Variants in FAM20B observed in about 807,000 individuals in gnomAD.
FAM20B encodes FAM20B glycosaminoglycan xylosylkinase, also known as glycosaminoglycan xylosylkinase.
In FAM20B, 23 loss-of-function variants were observed where a neutral mutation model predicts 43.8. The ratio of observed to expected loss-of-function variants is 0.53; its 90% CI spans 0.38 to 0.74. FAM20B has a LOEUF of 0.74. Among genes scored for constraint, FAM20B ranks in the 30% least tolerant of loss-of-function variants. The pLI is 0.00. For missense variants in FAM20B, 440 were observed against 510.5 expected (o/e 0.86, Z 1.33); for synonymous variants, 178 against 192.4 (o/e 0.93, Z 0.62).
chr1:179,049,492 C>T (rs1650911547), intron 2 of FAM20B, among the ~76,000 whole-genome samples: 1 of 152,162 alleles, frequency 6.6e-6, no homozygotes, highest in Admixed American at 6.5e-5. Flanking sequence ...CTATTTTCCC[C>T]CAAATTTAAA....
intron 1 of FAM20B, among the ~76,000 whole-genome samples, chr1:179,039,742 A>AT (rs1217321410): frequency 1.6e-4 from 11 of 70,466 alleles, no homozygotes; most frequent in Admixed American, 8.4e-4. Context: ...TTTATTTATT[A>AT]TTTTTTTTTA....
chr1:179,051,208 A>G (rs1304512472), intron 3 of FAM20B, among the ~76,000 whole-genome samples: 1 of 151,800 alleles, frequency 6.6e-6, no homozygotes, highest in Non-Finnish European at 1.5e-5. Flanking sequence ...CTTTTTCAGC[A>G]GGTTACTAGT....
rs1445748340 is a variant in FAM20B at position 179,065,999 on chromosome 1, C to T, written c.939-801C>T. ...AGGGCACTAATCCCGTTCATGTGGG[C>T]TCTTCCCTCGTAACTTAATCATCTC... On this transcript the variant is annotated intron_variant, in intron 6 of 7. Coordinates refer to ENST00000263733, the MANE Select transcript of FAM20B (RefSeq NM_014864.4). Among the ~76,000 whole-genome samples, 3 of 152,158 alleles carry T rather than the reference C, an allele frequency of 2.0e-5. No individual in the cohort carries two copies. The East Asian group carries it at 5.8e-4, about 29-fold the overall frequency.
intron 1 of FAM20B, chr1:179,035,511 G>A: frequency 1.5e-6 from 1 of 680,004 alleles, no homozygotes; most frequent in South Asian, 1.4e-5. Flanking sequence ...CCTGACTGCT[G>A]TGGCCTCCAC....
chr1:179,072,431 C>G lies in FAM20B; in HGVS notation c.*287C>G. 2.6e-6 allele frequency: 1 copy of G among 390,586 alleles called. No homozygotes were observed. Among genetic ancestry groups the G allele is most frequent in the Non-Finnish European group, 4.7e-6 (1 of 212,340 alleles). The allele number at this position is 390,586 out of a possible 1,614,324, so 24.2% of individuals were successfully genotyped here. ...CAGTCTTAATTCCCATGCCAAAGGA[C>G]AAACAGGTGTGACATTTGGATAGAT... On this transcript the variant is annotated 3_prime_UTR_variant, in exon 8 of 8. Coordinates refer to ENST00000263733, the MANE Select transcript of FAM20B (RefSeq NM_014864.4).
intron 1 of FAM20B, among the ~76,000 whole-genome samples, chr1:179,040,734 G>C (rs924063409): frequency 6.7e-6 from 1 of 149,474 alleles, no homozygotes; most frequent in Non-Finnish European, 1.5e-5. Flanking sequence ...CTCCCGGACG[G>C]GGCGGCTGGC....
chr1:179,040,437 C>T (rs1650442388), intron 1 of FAM20B, among the ~76,000 whole-genome samples: 3 of 149,638 alleles, frequency 2.0e-5, no homozygotes, highest in Admixed American at 6.6e-5. Flanking sequence ...TAGGGGCGGC[C>T]GGGCAGAGGC....
At chr1:179,053,308 C>T (rs898564078) in intron 3 of FAM20B, among the ~76,000 whole-genome samples, 4 of 152,066 alleles carry the variant, frequency 2.6e-5, no homozygotes, top group Non-Finnish European at 5.9e-5. Context: ...ATCTAGGCTG[C>T]GTTTGTAGTC....
chr1:179,022,086 C>T (rs974921451), upstream of FAM20B, among the ~76,000 whole-genome samples: 2 of 152,224 alleles, frequency 1.3e-5, no homozygotes, highest in Non-Finnish European at 2.9e-5. Flanking sequence ...GTGGGCAGTC[C>T]GTTGCTATAA....
Position 179,037,357 on chromosome 1 carries a change from TC to T in FAM20B, c.-133-6357del, listed in dbSNP as rs1393086487. ...CACAAACATGAAAACTTGTTTAGTC[TC>T]TTTTTTTTTAACCTGCCCTCACTTA... On this transcript the variant is annotated intron_variant, in intron 1 of 7. Transcript: ENST00000263733. Among the ~76,000 whole-genome samples, 5 of 69,228 alleles carry T rather than the reference TC, an allele frequency of 7.2e-5. No homozygotes were observed. The South Asian group carries it at 1.4e-3, about 19-fold the overall frequency. 45.4% of individuals were successfully genotyped at this position (69,228 alleles called of 152,430 possible). A position where few individuals can be genotyped will look rare whatever the true frequency, so the allele number is the denominator to read the frequency against.
chr1:179,057,575 G>A (rs1487294593), intron 4 of FAM20B, among the ~76,000 whole-genome samples: 2 of 152,166 alleles, frequency 1.3e-5, no homozygotes, highest in Non-Finnish European at 2.9e-5. Flanking sequence ...AAGAGTGGAG[G>A]CTTAGAAGTG....
At chr1:179,032,251 C>T (rs1650043532) in intron 1 of FAM20B, among the ~76,000 whole-genome samples, 1 of 150,486 alleles carries the variant, frequency 6.6e-6, no homozygotes, top group African/African-American at 2.4e-5. Flanking sequence ...TAATGACTAG[C>T]AAGTGATTAC....
intron 1 of FAM20B, among the ~76,000 whole-genome samples, chr1:179,029,462 A>C (rs1649919941): frequency 6.6e-6 from 1 of 152,250 alleles, no homozygotes; most frequent in Admixed American, 6.5e-5. Flanking sequence ...CTTTCTTACC[A>C]AAAACAAAAG....
At chr1:179,030,909 TTG>T (rs1031837039) in intron 1 of FAM20B, among the ~76,000 whole-genome samples, 2 of 151,378 alleles carry the variant, frequency 1.3e-5, no homozygotes, top group South Asian at 2.1e-4. Flanking sequence ...GTGTGTGTGT[TTG>T]TGTGTGTGTG....
the FAM20B span, among the ~76,000 whole-genome samples, chr1:179,020,438 C>T: frequency 3.3e-5 from 5 of 152,194 alleles, no homozygotes; most frequent in African/African-American, 1.2e-4. Context: ...CTCATCCTTG[C>T]TCACAGCAGG....
In FAM20B at chr1:179,073,839, G is replaced by A. The variant is rs190192155; in HGVS notation, c.*1695G>A. 2 of 152,362 alleles carry A rather than the reference G, an allele frequency of 1.3e-5. No individual in the cohort carries two copies. The highest frequency in any genetic ancestry group is 1.9e-4 in the East Asian group (1 of 5,194). The allele number at this position is 152,362 out of a possible 1,614,324, so 9.4% of individuals were successfully genotyped here. A position where few individuals can be genotyped will look rare whatever the true frequency, so the allele number is the denominator to read the frequency against. ...TGTTCTGGCAAAGTGATCTCAACAT[G>A]TAAGTAGTTGCAGTAAAACACAGGG... On this transcript the variant is annotated 3_prime_UTR_variant, in exon 8 of 8. Coordinates refer to ENST00000263733, the MANE Select transcript of FAM20B (RefSeq NM_014864.4).
chr1:179,039,866 A>C (rs1462242222), intron 1 of FAM20B, among the ~76,000 whole-genome samples: 1 of 152,102 alleles, frequency 6.6e-6, no homozygotes, highest in East Asian at 1.9e-4. Context: ...TTTCCTAGGC[A>C]GAGGACCCTG....
rs1652096831 is a variant in FAM20B, at chr1:179,075,565, A to G, written c.*3421A>G. The G allele has an allele frequency of 6.6e-6, 1 of 152,616 alleles. No individual in the cohort carries two copies. The highest frequency in any genetic ancestry group is 2.1e-4 in the South Asian group (1 of 4,828). The allele number at this position is 152,616 out of a possible 1,614,324, so 9.5% of individuals were successfully genotyped here. ...CAAATTCATAGGATCTGATTTGCTC[A>G]GAGTATTATTCAAGAATGTATTAAT... On this transcript the variant is annotated 3_prime_UTR_variant, in exon 8 of 8. Coordinates refer to ENST00000263733, the MANE Select transcript of FAM20B (RefSeq NM_014864.4).
At chr1:179,040,702 C>T (rs1223267436) in intron 1 of FAM20B, among the ~76,000 whole-genome samples, 2 of 97,308 alleles carry the variant, frequency 2.1e-5, no homozygotes, top group Admixed American at 9.4e-5. Context: ...GCTGGCCTGG[C>T]GGGGGCTGAC....
Sources: gnomAD v4.1 joint callset for allele counts (sites outside exome capture counted in the v4.1 genomes callset) on GRCh38, gnomAD v4.1.1 for gene constraint, MANE v1.5 for transcripts, NCBI Gene and HGNC (gene_info 2026-07-23, HGNC 2026-07-21) for gene names.